CAST: variants seen among roughly 807,000 people sequenced by gnomAD.
CAST encodes MIR583 host.
CAST carries 76 observed loss-of-function variants against 119.6 expected under a neutral mutation model. The observed-to-expected ratio is 0.64, with a 90% CI of 0.53 to 0.77. The LOEUF (loss-of-function observed/expected upper bound fraction) is 0.77. Ranked by LOEUF, CAST falls within the 30% of genes least tolerant of loss-of-function variation. The pLI is 0.00. For synonymous variants in CAST, 319 were observed against 331.6 expected (o/e 0.96, Z 0.41); for missense variants, 953 against 946.5 (o/e 1.01, Z -0.09).
chr5:96,427,291 T>C, the CAST span, among the ~76,000 whole-genome samples: 1 of 152,242 alleles, frequency 6.6e-6, no homozygotes, highest in African/African-American at 2.4e-5. Flanking sequence ...AACAGTGTTA[T>C]GATTAATGTC....
chr5:96,724,383 A>G (rs1322314484), intron 4 of CAST, among the ~76,000 whole-genome samples: 2 of 151,996 alleles, frequency 1.3e-5, no homozygotes, highest in Non-Finnish European at 2.9e-5. Flanking sequence ...GGGTCTTGCT[A>G]TGTTACTCAG....
At chr5:96,673,849 C>A (rs1457685850) in intron 1 of CAST, among the ~76,000 whole-genome samples, 1 of 152,196 alleles carries the variant, frequency 6.6e-6, no homozygotes, top group Non-Finnish European at 1.5e-5. Flanking sequence ...TATGTACAAA[C>A]AAACCCTTGA....
chr5:96,097,844 C>T, the CAST span, among the ~76,000 whole-genome samples: 1 of 152,254 alleles, frequency 6.6e-6, no homozygotes, highest in Non-Finnish European at 1.5e-5. Flanking sequence ...TGGGTATATA[C>T]TCAGTAATGG....
chr5:96,749,439 A>G (rs1430287313), intron 19 of CAST, among the ~76,000 whole-genome samples: 1 of 152,248 alleles, frequency 6.6e-6, no homozygotes, highest in Non-Finnish European at 1.5e-5. Context: ...ATCATATCCT[A>G]TTAATGACCA....
At chr5:96,249,311 A>AT in the CAST span, among the ~76,000 whole-genome samples, 1 of 152,218 alleles carries the variant, frequency 6.6e-6, no homozygotes, top group Admixed American at 6.5e-5. Context: ...TAGTCTGCTC[A>AT]TGCAGGGATT....
the CAST span, among the ~76,000 whole-genome samples, chr5:96,028,207 T>G: frequency 6.6e-6 from 1 of 151,874 alleles, no homozygotes; most frequent in African/African-American, 2.4e-5. Flanking sequence ...ACACAAAAAA[T>G]TACAGATATA....
At chr5:96,500,970 C>T in the CAST span, among the ~76,000 whole-genome samples, 3 of 152,188 alleles carry the variant, frequency 2.0e-5, no homozygotes, top group Non-Finnish European at 4.4e-5. Flanking sequence ...AAATGCCTGG[C>T]TACTCCTCCC....
At chr5:96,190,035 A>T in the CAST span, among the ~76,000 whole-genome samples, 1 of 152,038 alleles carries the variant, frequency 6.6e-6, no homozygotes, top group Non-Finnish European at 1.5e-5. Flanking sequence ...GATTATTCCA[A>T]GTTGGGGGTA....
the CAST span, among the ~76,000 whole-genome samples, chr5:95,991,263 G>C: frequency 1.3e-5 from 2 of 152,186 alleles, no homozygotes; most frequent in Non-Finnish European, 2.9e-5. Context: ...CTTTCACACA[G>C]AGAAAAGCTT....
At chr5:96,754,989 C>A (rs1038465098) in intron 22 of CAST, 3 of 276,708 alleles carry the variant, frequency 1.1e-5, no homozygotes, top group African/African-American at 4.5e-5. Context: ...TCCTTTCTAA[C>A]CCACAGCTTG....
At chr5:96,269,723 A>C in the CAST span, among the ~76,000 whole-genome samples, 1 of 152,174 alleles carries the variant, frequency 6.6e-6, no homozygotes, top group Admixed American at 6.5e-5. Flanking sequence ...AACCTCAACA[A>C]ATCAATAACA....
At chr5:96,086,871 C>G in the CAST span, among the ~76,000 whole-genome samples, 1 of 152,186 alleles carries the variant, frequency 6.6e-6, no homozygotes, top group African/African-American at 2.4e-5. Flanking sequence ...GTTACTACTA[C>G]TTAAAATAAA....
the CAST span, among the ~76,000 whole-genome samples, chr5:96,310,699 CAGTT>C: frequency 2.0e-5 from 3 of 151,312 alleles, no homozygotes; most frequent in African/African-American, 7.3e-5. Context: ...CATTTCTTCT[CAGTT>C]ATCTAATTTT....
the CAST span, among the ~76,000 whole-genome samples, chr5:96,134,473 C>T: frequency 9.8e-4 from 149 of 152,362 alleles, no homozygotes; most frequent in African/African-American, 3.3e-3. Flanking sequence ...TGTGCCTCTA[C>T]TGGGATTCAG....
the CAST span, among the ~76,000 whole-genome samples, chr5:96,292,974 T>A: frequency 1.3e-5 from 2 of 152,222 alleles, no homozygotes; most frequent in Non-Finnish European, 2.9e-5. Context: ...CACAAATAGT[T>A]GTTGAATAAA....
chr5:96,478,322 C>T, the CAST span, among the ~76,000 whole-genome samples: 3 of 152,234 alleles, frequency 2.0e-5, no homozygotes, highest in Non-Finnish European at 4.4e-5. Flanking sequence ...TTTCATGCCT[C>T]ATTTTAAATC....
chr5:96,551,907 G>A (rs116595162), intron 1 of CAST, among the ~76,000 whole-genome samples: 2,942 of 152,130 alleles, frequency 0.019, 33 homozygotes, highest in Middle Eastern at 0.075. Flanking sequence ...GGAGCACCGC[G>A]ATTCATAAAG....
chr5:96,661,321 A>G (rs541593498), upstream of CAST, among the ~76,000 whole-genome samples: 29 of 143,742 alleles, frequency 2.0e-4, 1 homozygote, highest in South Asian at 6.8e-3. Flanking sequence ...AGTACTTAGG[A>G]GACTGAGGCA....
the CAST span, among the ~76,000 whole-genome samples, chr5:96,308,392 G>C: frequency 1.3e-5 from 2 of 151,986 alleles, 1 homozygote; most frequent in Admixed American, 1.3e-4. Flanking sequence ...CTTGCATTGG[G>C]TTAGAACATG....
Sources: gnomAD v4.1 joint callset for allele counts (sites outside exome capture counted in the v4.1 genomes callset) on GRCh38, gnomAD v4.1.1 for gene constraint, MANE v1.5 for transcripts, NCBI Gene and HGNC (gene_info 2026-07-23, HGNC 2026-07-21) for gene names.